The following FARS2 variants were observed in gnomAD, a reference collection of about 807,000 sequenced individuals.
The protein encoded by FARS2 is phenylalanyl-tRNA synthetase 2, mitochondrial, also known as phenylalanine--tRNA ligase, mitochondrial.
A neutral mutation model predicts 46.4 loss-of-function variants in FARS2; 40 were observed. That is an observed-to-expected ratio of 0.86 (90% CI 0.67 to 1.12). The LOEUF (loss-of-function observed/expected upper bound fraction) is 1.12. Among genes scored for constraint, FARS2 ranks in the 50% most tolerant of loss-of-function variants. The probability of loss-of-function intolerance (pLI) is 0.00; values close to 1 mark genes in which losing one functional copy is unlikely to be tolerated. For synonymous variants in FARS2, 234 were observed against 214.9 expected (o/e 1.09, Z -0.78); for missense variants, 513 against 567.9 (o/e 0.90, Z 0.98).
intron 1 of FARS2, among the ~76,000 whole-genome samples, chr6:5,336,268 C>G (rs1771150917): frequency 6.6e-6 from 1 of 151,034 alleles, no homozygotes; most frequent in Non-Finnish European, 1.5e-5. Flanking sequence ...CTAAATATAT[C>G]ACTTCAGGGT....
At chr6:5,421,749 A>T (rs1762562135) in intron 3 of FARS2, among the ~76,000 whole-genome samples, 1 of 152,184 alleles carries the variant, frequency 6.6e-6, no homozygotes, top group South Asian at 2.1e-4. Flanking sequence ...CCATTTCCGA[A>T]CAAGTTCCTC....
chr6:5,609,248 T>A (rs9405854), intron 5 of FARS2: 230,568 of 1,161,704 alleles, frequency 0.2, 25,856 homozygotes, highest in East Asian at 0.43. Flanking sequence ...TGCCACTGCC[T>A]TAGCTACTGC....
At chr6:5,519,463 G>A (rs1202017071) in intron 4 of FARS2, among the ~76,000 whole-genome samples, 4 of 152,162 alleles carry the variant, frequency 2.6e-5, no homozygotes, top group Non-Finnish European at 4.4e-5. Flanking sequence ...AGGGGTACCA[G>A]TCAAGGGGGG....
At chr6:5,418,291 T>C (rs1762353588) in intron 3 of FARS2, among the ~76,000 whole-genome samples, 1 of 152,204 alleles carries the variant, frequency 6.6e-6, no homozygotes, top group Non-Finnish European at 1.5e-5. Flanking sequence ...TAATTTTACC[T>C]TCTGATGCAT....
At chr6:5,379,469 C>T (rs1272740413) in intron 2 of FARS2, among the ~76,000 whole-genome samples, 1 of 152,100 alleles carries the variant, frequency 6.6e-6, no homozygotes, top group Non-Finnish European at 1.5e-5. Flanking sequence ...ATGAAAGAGT[C>T]CAGAAGTATT....
At chr6:5,525,076 C>T (rs1042206895) in intron 4 of FARS2, among the ~76,000 whole-genome samples, 1 of 151,918 alleles carries the variant, frequency 6.6e-6, no homozygotes, top group Non-Finnish European at 1.5e-5. Flanking sequence ...GGTGGTGTTC[C>T]TTCTTTCCTC....
chr6:5,533,485 T>C (rs1016232024), intron 4 of FARS2, among the ~76,000 whole-genome samples: 1 of 152,212 alleles, frequency 6.6e-6, no homozygotes, highest in African/African-American at 2.4e-5. Context: ...TTCTGTTGTT[T>C]CTTTGCAAAT....
chr6:5,679,713 T>C (rs972894484), intron 6 of FARS2, among the ~76,000 whole-genome samples: 1 of 152,202 alleles, frequency 6.6e-6, no homozygotes, highest in South Asian at 2.1e-4. Context: ...ATCCTTGCCC[T>C]GTGAATAGAT....
At chr6:5,305,301 G>GGAAATGGGTAGAAAATA (rs1768619148) in intron 1 of FARS2, among the ~76,000 whole-genome samples, 2 of 152,168 alleles carry the variant, frequency 1.3e-5, no homozygotes, top group African/African-American at 2.4e-5. Context: ...AAAATGTCTA[G>GGAAATGGGTAGAAAATA]CACATTGTAT....
intron 6 of FARS2, among the ~76,000 whole-genome samples, chr6:5,636,176 A>T (rs1261620569): frequency 6.6e-6 from 1 of 152,232 alleles, no homozygotes; most frequent in East Asian, 1.9e-4. Context: ...TGAAATTATA[A>T]CACTGGTTAT....
intron 6 of FARS2, among the ~76,000 whole-genome samples, chr6:5,724,872 T>G (rs1475665752): frequency 6.6e-6 from 1 of 152,236 alleles, no homozygotes; most frequent in Non-Finnish European, 1.5e-5. Flanking sequence ...TTTTGGAATA[T>G]ATGTTAGGTC....
At chr6:5,692,586 G>A (rs184379536) in intron 6 of FARS2, among the ~76,000 whole-genome samples, 70 of 152,212 alleles carry the variant, frequency 4.6e-4, no homozygotes, top group African/African-American at 1.6e-3. Context: ...AAAATAGATA[G>A]GCAAAAGCTA....
chr6:5,771,348 G>A lies in FARS2; in HGVS notation c.1275G>A (p.Leu425=). 1 of 1,614,166 alleles carries A rather than the reference G, an allele frequency of 6.2e-7. No homozygotes were observed. The highest frequency in any genetic ancestry group is 8.5e-7 in the Non-Finnish European group (1 of 1,179,982). ...RITYRHMERT[L]SQREVRHIHQ... The stretch of plus-strand genomic sequence containing the variant: ...CGTACCGCCACATGGAACGGACTCT[G>A]TCCCAGAGAGAGGTCAGGCACATCC... The change falls in exon 7 of 7, where the codon CTG becomes CTA. Residue 425 remains leucine, a synonymous_variant. Coordinates refer to ENST00000274680, the MANE Select transcript of FARS2 (RefSeq NM_006567.5).
At chr6:5,717,351 A>ATGTGTGTGTG (rs58875741) in intron 6 of FARS2, among the ~76,000 whole-genome samples, 4,375 of 141,666 alleles carry the variant, frequency 0.031, 97 homozygotes, top group African/African-American at 0.054. Context: ...AGATATGTAT[A>ATGTGTGTGTG]TGTGTGTGTG....
At chr6:5,272,905 T>C (rs1581662985) in intron 1 of FARS2, among the ~76,000 whole-genome samples, 1 of 152,196 alleles carries the variant, frequency 6.6e-6, no homozygotes, top group Non-Finnish European at 1.5e-5. Flanking sequence ...TAAGAACATA[T>C]GGTATTTGTC....
chr6:5,519,712 C>T (rs1769017064), intron 4 of FARS2, among the ~76,000 whole-genome samples: 2 of 152,068 alleles, frequency 1.3e-5, no homozygotes, highest in Non-Finnish European at 2.9e-5. Context: ...GTCCCCTGTG[C>T]GATTAAAATA....
intron 6 of FARS2, among the ~76,000 whole-genome samples, chr6:5,712,502 C>G (rs1759235624): frequency 6.6e-6 from 1 of 152,200 alleles, no homozygotes; most frequent in Admixed American, 6.5e-5. Context: ...CACCGTTTCC[C>G]CTACTGTTCA....
chr6:5,497,178 TATC>T (rs1767522007), intron 4 of FARS2, among the ~76,000 whole-genome samples: 3 of 152,258 alleles, frequency 2.0e-5, no homozygotes, highest in Admixed American at 2.0e-4. Context: ...GTAGCATCGT[TATC>T]ATTATTATAT....
chr6:5,370,335 G>A (rs1439151675), intron 2 of FARS2, among the ~76,000 whole-genome samples: 1 of 151,808 alleles, frequency 6.6e-6, no homozygotes, highest in African/African-American at 2.4e-5. Flanking sequence ...ACACAAAAAG[G>A]CCATCCGTGC....
Sources: allele counts gnomAD v4.1 joint callset (sites outside exome capture counted in the v4.1 genomes callset), GRCh38; gene constraint gnomAD v4.1.1; transcripts MANE v1.5; gene names NCBI Gene and HGNC (gene_info 2026-07-23, HGNC 2026-07-21).